GHR: variants seen among roughly 807,000 people sequenced by gnomAD.
GHR encodes the protein growth hormone receptor.
Under a neutral mutation model 67.1 loss-of-function variants are expected in GHR, and 35 were observed. The observed-to-expected ratio is 0.52, with a 90% CI of 0.40 to 0.69. GHR has a LOEUF of 0.69. GHR is among the 30% of genes least tolerant of loss of function. The pLI, the probability that GHR is intolerant of heterozygous loss-of-function variation, is 0.00. For synonymous variants in GHR, 272 were observed against 269.1 expected, an observed-to-expected ratio of 1.01 and a Z score of -0.10; for missense variants, 792 against 764.6, an observed-to-expected ratio of 1.04 and a Z score of -0.42.
chr5:42,528,289 C>T (rs1485434117), intron 1 of GHR, among the ~76,000 whole-genome samples: 1 of 152,038 alleles, frequency 6.6e-6, no homozygotes, highest in Admixed American at 6.6e-5. Flanking sequence ...CCATTAAAAA[C>T]ATTTATGATT....
intron 4 of GHR, among the ~76,000 whole-genome samples, chr5:42,690,688 C>A (rs1757381313): frequency 6.6e-6 from 1 of 152,052 alleles, no homozygotes; most frequent in Non-Finnish European, 1.5e-5. Context: ...ACCTTCCCCA[C>A]CTTTCAGTAT....
intron 1 of GHR, among the ~76,000 whole-genome samples, chr5:42,482,650 C>A (rs1014598396): frequency 6.6e-6 from 1 of 152,118 alleles, no homozygotes; most frequent in South Asian, 2.1e-4. Context: ...TAGCAATGAG[C>A]GAGACTCCAT....
At chr5:42,614,210 A>G (rs781603991) in intron 2 of GHR, among the ~76,000 whole-genome samples, 7 of 152,090 alleles carry the variant, frequency 4.6e-5, no homozygotes, top group Non-Finnish European at 1.0e-4. Context: ...TTAGTTTCAG[A>G]TGTTGTGACA....
At chr5:42,659,960 C>T (rs1755486594) in intron 3 of GHR, among the ~76,000 whole-genome samples, 2 of 152,240 alleles carry the variant, frequency 1.3e-5, no homozygotes, top group East Asian at 3.9e-4. Flanking sequence ...GATTATATCC[C>T]GCACCTGGCT....
intron 1 of GHR, among the ~76,000 whole-genome samples, chr5:42,464,221 C>T (rs2112064630): frequency 6.6e-6 from 1 of 152,172 alleles, no homozygotes; most frequent in Middle Eastern, 3.4e-3. Context: ...GTTTATTGAA[C>T]ATTTACGATG....
chr5:42,710,150 T>C (rs1469928426), intron 6 of GHR, among the ~76,000 whole-genome samples: 3 of 152,064 alleles, frequency 2.0e-5, no homozygotes, highest in African/African-American at 7.2e-5. Flanking sequence ...ATTCAGAGGC[T>C]TCTATAAAAA....
chr5:42,561,354 T>C (rs1749596323), intron 1 of GHR, among the ~76,000 whole-genome samples: 1 of 152,236 alleles, frequency 6.6e-6, no homozygotes, highest in Non-Finnish European at 1.5e-5. Context: ...TTAATCTCCA[T>C]AGTGCCTTGC....
At chr5:42,512,514 C>G (rs146275735) in intron 1 of GHR, among the ~76,000 whole-genome samples, 138 of 152,270 alleles carry the variant, frequency 9.1e-4, no homozygotes, top group African/African-American at 3.1e-3. Context: ...TGATCCCTCC[C>G]TGGCTTTTCC....
chr5:42,524,126 G>A (rs566163703), intron 1 of GHR, among the ~76,000 whole-genome samples: 3 of 152,326 alleles, frequency 2.0e-5, no homozygotes, highest in East Asian at 1.9e-4. Flanking sequence ...AAATGTGGAA[G>A]TGACTTTGGA....
intron 2 of GHR, among the ~76,000 whole-genome samples, chr5:42,602,782 C>T (rs1161792893): frequency 6.6e-6 from 1 of 152,134 alleles, no homozygotes; most frequent in Non-Finnish European, 1.5e-5. Flanking sequence ...TCTGCTTTTA[C>T]CTCTTCTCCC....
chr5:42,649,872 G>A (rs1354608397), intron 3 of GHR, among the ~76,000 whole-genome samples: 1 of 152,154 alleles, frequency 6.6e-6, no homozygotes, highest in African/African-American at 2.4e-5. Flanking sequence ...AGAAAACAAG[G>A]TGACAGGTTG....
At chr5:42,456,431 C>A (rs376443999) in intron 1 of GHR, among the ~76,000 whole-genome samples, 1 of 152,154 alleles carries the variant, frequency 6.6e-6, no homozygotes, top group East Asian at 1.9e-4. Flanking sequence ...AATCATGGGA[C>A]TACGTCAGAA....
At chr5:42,634,030 A>G (rs1754050187) in intron 3 of GHR, among the ~76,000 whole-genome samples, 2 of 152,120 alleles carry the variant, frequency 1.3e-5, no homozygotes, top group Admixed American at 6.5e-5. Context: ...GTAGCACCGC[A>G]GTTTAAGTAC....
At chr5:42,714,790 T>C (rs1487501996) in intron 8 of GHR, among the ~76,000 whole-genome samples, 1 of 152,202 alleles carries the variant, frequency 6.6e-6, no homozygotes, top group Non-Finnish European at 1.5e-5. Context: ...TTAATTTGTG[T>C]ATTTAAGTAA....
intron 1 of GHR, among the ~76,000 whole-genome samples, chr5:42,487,381 G>T (rs532035037): frequency 6.6e-6 from 1 of 152,130 alleles, no homozygotes; most frequent in Non-Finnish European, 1.5e-5. Flanking sequence ...TAACGTAAGC[G>T]TTGGCAAAAA....
chr5:42,604,083 T>C (rs1025522979), intron 2 of GHR, among the ~76,000 whole-genome samples: 2 of 152,172 alleles, frequency 1.3e-5, no homozygotes, highest in African/African-American at 4.8e-5. Context: ...GAAGAAGAGA[T>C]GTCTAGGGTA....
intron 2 of GHR, among the ~76,000 whole-genome samples, chr5:42,571,073 T>G (rs990176186): frequency 6.6e-6 from 1 of 152,242 alleles, no homozygotes; most frequent in Non-Finnish European, 1.5e-5. Context: ...ATTTCTAAGT[T>G]TCTGCATTTT....
At chr5:42,618,558 C>T (rs568522077) in intron 2 of GHR, among the ~76,000 whole-genome samples, 20 of 151,886 alleles carry the variant, frequency 1.3e-4, no homozygotes, top group East Asian at 7.7e-4. Context: ...ATTGAGGGAG[C>T]GACAGCATAA....
intron 1 of GHR, among the ~76,000 whole-genome samples, chr5:42,534,668 A>G (rs189548295): frequency 7.9e-5 from 12 of 152,118 alleles, no homozygotes; most frequent in Non-Finnish European, 1.2e-4. Context: ...TCCTCTGGGT[A>G]GATACCCAGT....
Sources: gnomAD v4.1 joint callset for allele counts (sites outside exome capture counted in the v4.1 genomes callset) on GRCh38, gnomAD v4.1.1 for gene constraint, MANE v1.5 for transcripts, NCBI Gene and HGNC (gene_info 2026-07-23, HGNC 2026-07-21) for gene names.